The following CNTNAP2 variants were observed in gnomAD, a reference collection of about 807,000 sequenced individuals.
CNTNAP2 encodes the protein contactin-associated protein-like 2.
CNTNAP2 carries 98 observed loss-of-function variants against 155.2 expected under a neutral mutation model. That is an observed-to-expected ratio of 0.63 (90% CI 0.54 to 0.75). The LOEUF (loss-of-function observed/expected upper bound fraction) is 0.75, where lower values mean the gene tolerates loss of function less well. CNTNAP2 is among the 30% of genes least tolerant of loss of function. The pLI is 0.00. For synonymous variants in CNTNAP2, 651 were observed against 631.2 expected, an observed-to-expected ratio of 1.03 and a Z score of -0.47; for missense variants, 1,727 against 1,688.1, an observed-to-expected ratio of 1.02 and a Z score of -0.40.
At chr7:146,543,555 A>G (rs1158793048) in intron 1 of CNTNAP2, among the ~76,000 whole-genome samples, 6 of 152,064 alleles carry the variant, frequency 3.9e-5, no homozygotes, top group African/African-American at 1.4e-4. Flanking sequence ...ATGTCAACCT[A>G]GAATGAAAGG....
intron 1 of CNTNAP2, among the ~76,000 whole-genome samples, chr7:146,146,953 A>G (rs1201280081): frequency 6.6e-6 from 1 of 152,166 alleles, no homozygotes; most frequent in Non-Finnish European, 1.5e-5. Context: ...TCAAACAAAC[A>G]CACAGTTCAC....
At chr7:147,940,303 T>TAAAAAAA (rs59484615) in intron 14 of CNTNAP2, 9,437 of 91,072 alleles carry the variant, frequency 0.1, 1,002 homozygotes, top group East Asian at 0.43. Context: ...CCTGTCTCTT[T>TAAAAAAA]AAAAAAAAAA....
intron 4 of CNTNAP2, among the ~76,000 whole-genome samples, chr7:147,069,803 T>C (rs1045234007): frequency 3.3e-4 from 51 of 152,356 alleles, no homozygotes; most frequent in African/African-American, 1.2e-3. Flanking sequence ...ATTCCACTTC[T>C]GCTTTGTTCA....
chr7:147,402,574 G>A (rs1950035), intron 10 of CNTNAP2, among the ~76,000 whole-genome samples: 39 of 152,218 alleles, frequency 2.6e-4, no homozygotes, highest in African/African-American at 7.7e-4. Context: ...ATACACACTA[G>A]GTCTTCTTTC....
At chr7:147,184,704 A>G (rs1206892073) in intron 8 of CNTNAP2, among the ~76,000 whole-genome samples, 2 of 152,168 alleles carry the variant, frequency 1.3e-5, no homozygotes, top group East Asian at 1.9e-4. Context: ...GGGAAGGAAA[A>G]GGGAAAAAGA....
intron 4 of CNTNAP2, among the ~76,000 whole-genome samples, chr7:147,077,442 A>T (rs886850891): frequency 6.6e-6 from 1 of 152,180 alleles, no homozygotes. Context: ...GAAAAGACTC[A>T]AAGCAACACT....
At chr7:147,272,601 C>T (rs1332984542) in intron 8 of CNTNAP2, among the ~76,000 whole-genome samples, 1 of 152,068 alleles carries the variant, frequency 6.6e-6, no homozygotes, top group Non-Finnish European at 1.5e-5. Flanking sequence ...CGGGTTCACG[C>T]CATTCTCCTG....
intron 4 of CNTNAP2, among the ~76,000 whole-genome samples, chr7:147,047,026 C>T (rs1214506500): frequency 5.1e-5 from 6 of 117,054 alleles, no homozygotes; most frequent in South Asian, 2.6e-4. Flanking sequence ...AGCCAGACTC[C>T]GTGTCAAAAA....
intron 13 of CNTNAP2, among the ~76,000 whole-genome samples, chr7:147,732,654 C>T (rs1317166636): frequency 6.6e-6 from 1 of 152,230 alleles, no homozygotes; most frequent in Non-Finnish European, 1.5e-5. Context: ...GTCCCACCAA[C>T]AGTGTAAAAG....
chr7:146,787,079 A>G (rs1043517672), intron 2 of CNTNAP2, among the ~76,000 whole-genome samples: 1 of 152,220 alleles, frequency 6.6e-6, no homozygotes, highest in African/African-American at 2.4e-5. Context: ...ACATATTTGG[A>G]TGGATAACGA....
intron 1 of CNTNAP2, among the ~76,000 whole-genome samples, chr7:146,658,070 A>G (rs984817384): frequency 1.3e-5 from 2 of 152,184 alleles, no homozygotes; most frequent in African/African-American, 4.8e-5. Context: ...TAGTGAAACT[A>G]TCGAGAGTTG....
chr7:147,563,835 T>G (rs764331536), intron 12 of CNTNAP2, among the ~76,000 whole-genome samples: 18 of 152,034 alleles, frequency 1.2e-4, no homozygotes, highest in Non-Finnish European at 2.4e-4. Flanking sequence ...GGAAATCAGA[T>G]TGTAAAACTA....
chr7:146,425,681 A>T (rs912386328), intron 1 of CNTNAP2, among the ~76,000 whole-genome samples: 1 of 152,114 alleles, frequency 6.6e-6, no homozygotes, highest in African/African-American at 2.4e-5. Flanking sequence ...CAAAAACTAC[A>T]AGTATAATTA....
intron 1 of CNTNAP2, among the ~76,000 whole-genome samples, chr7:146,693,124 A>C (rs191830311): frequency 6.6e-6 from 1 of 152,212 alleles, no homozygotes; most frequent in Non-Finnish European, 1.5e-5. Context: ...GACGATACCT[A>C]CTTCAAAAGA....
At chr7:148,181,489 G>A (rs1025044930) in intron 18 of CNTNAP2, among the ~76,000 whole-genome samples, 1 of 152,140 alleles carries the variant, frequency 6.6e-6, no homozygotes, top group African/African-American at 2.4e-5. Flanking sequence ...TGCAGAGATA[G>A]CTGCCAAGTT....
chr7:147,422,839 A>C (rs1286127129), intron 10 of CNTNAP2, among the ~76,000 whole-genome samples: 2 of 152,202 alleles, frequency 1.3e-5, no homozygotes, highest in Non-Finnish European at 2.9e-5. Context: ...ACATATTTTT[A>C]AGCTCACAAA....
Position 147,223,454 on chromosome 7 carries a change from A to C in CNTNAP2, c.1349-76687A>C, listed in dbSNP as rs149422670. Among the ~76,000 whole-genome samples, 769 of 152,242 alleles carry C rather than the reference A, an allele frequency of 5.1e-3. 7 individuals carry two copies. Among genetic ancestry groups the C allele is most frequent in the African/African-American group, 0.017 (723 of 41,538 alleles). On this transcript the variant is annotated intron_variant, in intron 8 of 23. Coordinates refer to ENST00000361727, the MANE Select transcript of CNTNAP2 (RefSeq NM_014141.6). ...ATGGATGGAATCTCATCTGCATGCA[A>C]CTTATGTCACACTGCAGCTAAGGGA...
At chr7:147,750,826 C>G (rs1797122288) in intron 13 of CNTNAP2, among the ~76,000 whole-genome samples, 1 of 151,978 alleles carries the variant, frequency 6.6e-6, no homozygotes, top group African/African-American at 2.4e-5. Context: ...ATCACGAGGT[C>G]AGGAGATCCA....
intron 8 of CNTNAP2, among the ~76,000 whole-genome samples, chr7:147,299,066 A>G (rs1794891911): frequency 1.3e-5 from 2 of 152,134 alleles, no homozygotes. Flanking sequence ...GCACGTCCTC[A>G]TGTAACTTCT....
Sources: gnomAD v4.1 joint callset for allele counts (sites outside exome capture counted in the v4.1 genomes callset) on GRCh38, gnomAD v4.1.1 for gene constraint, MANE v1.5 for transcripts, NCBI Gene and HGNC (gene_info 2026-07-23, HGNC 2026-07-21) for gene names.